CLIP1: variants seen among roughly 807,000 people sequenced by gnomAD.
The protein encoded by CLIP1 is CAP-Gly domain-containing linker protein 1.
Under a neutral mutation model 161.6 loss-of-function variants are expected in CLIP1, and 66 were observed. That is an observed-to-expected ratio of 0.41 (90% confidence interval 0.33 to 0.50). The LOEUF (loss-of-function observed/expected upper bound fraction) is 0.50, where lower values mean the gene tolerates loss of function less well. Among genes scored for constraint, CLIP1 ranks in the 20% least tolerant of loss-of-function variants. The pLI, the probability that CLIP1 is intolerant of heterozygous loss-of-function variation, is 0.27. For synonymous variants in CLIP1, 598 were observed against 626.2 expected, an observed-to-expected ratio of 0.96 and a Z score of 0.67; for missense variants, 1,376 against 1,702.0, an observed-to-expected ratio of 0.81 and a Z score of 3.37.
intron 11 of CLIP1, among the ~76,000 whole-genome samples, chr12:122,339,618 C>T (rs1196844509): frequency 3.3e-5 from 5 of 152,022 alleles, no homozygotes; most frequent in African/African-American, 4.8e-5. Context: ...CCACCTTGCC[C>T]GGCCAACATG....
chr12:122,394,196 A>T (rs546738759), intron 1 of CLIP1, among the ~76,000 whole-genome samples: 116 of 152,304 alleles, frequency 7.6e-4, no homozygotes, highest in African/African-American at 2.6e-3. Context: ...ACTTAAATAA[A>T]AGATGAAAAG....
At chr12:122,387,408 C>A (rs999939937) in intron 1 of CLIP1, among the ~76,000 whole-genome samples, 1 of 151,532 alleles carries the variant, frequency 6.6e-6, no homozygotes, top group African/African-American at 2.4e-5. Context: ...CCAAACTGCA[C>A]TATTCTTTTC....
chr12:122,387,547 C>CAT (rs773688335), intron 1 of CLIP1, among the ~76,000 whole-genome samples: 178 of 40,258 alleles, frequency 4.4e-3, no homozygotes, highest in East Asian at 0.011. Context: ...CATGCCTTTT[C>CAT]ATATATATAT....
intron 10 of CLIP1, 35 bp downstream of exon 10, chr12:122,347,340 A>G (rs1952798640): frequency 3.4e-6 from 5 of 1,466,996 alleles, no homozygotes; most frequent in Non-Finnish European, 4.8e-6. Context: ...CTTCACATGC[A>G]TGGGTCTGCT....
chr12:122,407,748 CAAAAA>C (rs35500806), intron 1 of CLIP1, among the ~76,000 whole-genome samples: 25 of 38,336 alleles, frequency 6.5e-4, no homozygotes, highest in African/African-American at 3.3e-3. Context: ...GACCCTGTCT[CAAAAA>C]AAAAAAAAAA....
At chr12:122,317,668 T>C (rs1366716016) in intron 18 of CLIP1, among the ~76,000 whole-genome samples, 2 of 152,200 alleles carry the variant, frequency 1.3e-5, no homozygotes, top group African/African-American at 4.8e-5. Flanking sequence ...CTTGAGAAGT[T>C]GTCTCCTACA....
At chr12:122,378,081 T>C (rs962175757) in intron 2 of CLIP1, 121 bp from the exon 3 acceptor site, 2 of 861,448 alleles carry the variant, frequency 2.3e-6, no homozygotes, top group African/African-American at 1.7e-5. Flanking sequence ...AGAAAGGTGT[T>C]TTAAAGTGTG....
chr12:122,328,915 A>AT (rs748219073), intron 15 of CLIP1, among the ~76,000 whole-genome samples: 1 of 152,204 alleles, frequency 6.6e-6, no homozygotes, highest in Non-Finnish European at 1.5e-5. Flanking sequence ...CTAAATAATC[A>AT]TTTTACCAGT....
intron 5 of CLIP1, among the ~76,000 whole-genome samples, chr12:122,359,527 G>C (rs1953674655): frequency 6.6e-6 from 1 of 152,196 alleles, no homozygotes; most frequent in South Asian, 2.1e-4. Context: ...ACAAAGCTCT[G>C]TCTGAACACA....
chr12:122,404,414 A>T (rs1956246539), intron 1 of CLIP1, among the ~76,000 whole-genome samples: 1 of 151,790 alleles, frequency 6.6e-6, no homozygotes, highest in Non-Finnish European at 1.5e-5. Flanking sequence ...GGGCTGGCCA[A>T]CATGGTGAAA....
intron 1 of CLIP1, among the ~76,000 whole-genome samples, chr12:122,393,905 C>G (rs1180678050): frequency 1.3e-4 from 1 of 7,792 alleles, no homozygotes; most frequent in Non-Finnish European, 7.5e-4. Flanking sequence ...GAGTGAGATT[C>G]TGTCTCCAAA....
At chr12:122,325,128 G>C (rs1048347576) in intron 17 of CLIP1, among the ~76,000 whole-genome samples, 2 of 149,666 alleles carry the variant, frequency 1.3e-5, no homozygotes, top group Non-Finnish European at 1.5e-5. Flanking sequence ...GTGCGATCTT[G>C]GCTCACTGCA....
chr12:122,380,784 C>G (rs1954977585), intron 1 of CLIP1, among the ~76,000 whole-genome samples: 1 of 151,958 alleles, frequency 6.6e-6, no homozygotes. Flanking sequence ...GGTGCCATGA[C>G]CCACTCCTCA....
In CLIP1 at chr12:122,311,795, G is replaced by T. The variant is rs1176734642; in HGVS notation, c.3474-1913C>A. ...CATTTAATCCTCAAAGCCCAAGGAG[G>T]CTCATGTCATTTATGTTTTAATGAG... On this transcript the variant is annotated intron_variant, in intron 19 of 25. Transcript: ENST00000620786. This position sits in a 1 kb window ranked among gnomAD's most constrained non-coding sequence, Gnocchi z 4.3. Among the ~76,000 whole-genome samples the T allele has an allele frequency of 6.6e-6, 1 of 152,148 alleles. No homozygotes were observed. The highest frequency in any genetic ancestry group is 1.9e-4 in the East Asian group (1 of 5,192).
chr12:122,422,733 G>C (rs1196958891), upstream of CLIP1: 3 of 138,898 alleles, frequency 2.2e-5, no homozygotes, highest in Admixed American at 2.1e-4. Flanking sequence ...CGGCCGGCCC[G>C]GCCGGCCCGG....
intron 11 of CLIP1, among the ~76,000 whole-genome samples, chr12:122,337,512 C>T (rs1167747079): frequency 6.6e-6 from 1 of 151,184 alleles, no homozygotes; most frequent in Non-Finnish European, 1.5e-5. Flanking sequence ...TGGTCTCAAA[C>T]TCCTAGACCC....
At position 122,390,292 on chromosome 12, in the gene CLIP1, A is replaced by ATG. The variant is rs1381096414; in HGVS notation, c.-106-9735_-106-9734insCA. On this transcript the variant is annotated intron_variant, in intron 1 of 25. Transcript: ENST00000620786. ...CATATATATATACATATATATATATATATATATATATGTATATATATATAT... is the reference window on the plus strand; with the variant it reads ...CATATATATATACATATATATATATATGTATATATATATGTATATATATATAT... 8.2e-4 allele frequency among the ~76,000 whole-genome samples: 109 copies of ATG among 132,802 alleles called. 3 individuals are homozygous for ATG. Among genetic ancestry groups the ATG allele is most frequent in the Middle Eastern group, 3.7e-3 (1 of 268 alleles). The allele number at this position is 132,802 out of a possible 152,430, so 87.1% of individuals were successfully genotyped here. A position where few individuals can be genotyped will look rare whatever the true frequency, so the allele number is the denominator to read the frequency against.
chr12:122,339,483 G>A (rs1020408601), intron 11 of CLIP1, among the ~76,000 whole-genome samples: 49 of 152,040 alleles, frequency 3.2e-4, no homozygotes, highest in African/African-American at 1.2e-3. Flanking sequence ...GACTACAGAC[G>A]CACACCACCA....
At chr12:122,414,130 TTTG>T (rs1027967432) in intron 1 of CLIP1, among the ~76,000 whole-genome samples, 24 of 151,844 alleles carry the variant, frequency 1.6e-4, no homozygotes, top group Admixed American at 1.4e-3. Context: ...GTTTTGGGGG[TTTG>T]TTTTTTGTTT....
Sources: gnomAD v4.1 joint callset for allele counts (sites outside exome capture counted in the v4.1 genomes callset) on GRCh38, gnomAD v4.1.1 for gene constraint, Gnocchi (gnomAD v3.1) non-coding constraint, MANE v1.5 for transcripts, NCBI Gene and HGNC (gene_info 2026-07-23, HGNC 2026-07-21) for gene names.